Variants in VGLL4 observed in about 807,000 individuals in gnomAD.
VGLL4 encodes transcription cofactor vestigial-like protein 4.
A neutral mutation model predicts 21.0 loss-of-function variants in VGLL4; 7 were observed. That is an observed-to-expected ratio of 0.33 (90% CI 0.19 to 0.63). The LOEUF is 0.63. Among genes scored for constraint, VGLL4 ranks in the 20% least tolerant of loss-of-function variants. The probability of loss-of-function intolerance (pLI) is 0.78; values close to 1 mark genes in which losing one functional copy is unlikely to be tolerated. For synonymous variants in VGLL4, 222 were observed against 173.2 expected (o/e 1.28, Z -2.21); for missense variants, 394 against 425.7 (o/e 0.93, Z 0.66).
At chr3:11,661,255 A>C (rs1394938451) in intron 2 of VGLL4, among the ~76,000 whole-genome samples, 1 of 152,146 alleles carries the variant, frequency 6.6e-6, no homozygotes, top group Non-Finnish European at 1.5e-5. Context: ...TAACGCAGAA[A>C]GAACGATCCA....
chr3:11,702,641 A>T (rs532685261), intron 2 of VGLL4: 183 of 154,268 alleles, frequency 1.2e-3, no homozygotes, highest in Middle Eastern at 0.01. Flanking sequence ...ATAAATAAAT[A>T]AATTAAATTA....
intron 2 of VGLL4, among the ~76,000 whole-genome samples, chr3:11,666,975 T>C (rs1408474998): frequency 6.6e-6 from 1 of 152,222 alleles, no homozygotes; most frequent in African/African-American, 2.4e-5. Flanking sequence ...TCCACACACC[T>C]TGATGCAGAT....
intron 2 of VGLL4, among the ~76,000 whole-genome samples, chr3:11,660,304 T>A (rs1547457): frequency 0.67 from 102,084 of 152,100 alleles, 34,258 homozygotes; most frequent in African/African-American, 0.7. Flanking sequence ...TTTGAAAAAT[T>A]TGGATAATGA....
At chr3:11,699,164 A>C (rs1425236615) in intron 2 of VGLL4, among the ~76,000 whole-genome samples, 1 of 152,256 alleles carries the variant, frequency 6.6e-6, no homozygotes, top group Non-Finnish European at 1.5e-5. Context: ...AGTCAGGCTG[A>C]ATCAGCCCAA....
upstream of VGLL4, among the ~76,000 whole-genome samples, chr3:11,644,845 CAAAAA>C (rs11293808): frequency 1.4e-5 from 1 of 71,212 alleles, no homozygotes. Context: ...GACTTTGTCT[CAAAAA>C]AAAAAAAAAA....
intron 1 of VGLL4, among the ~76,000 whole-genome samples, chr3:11,602,639 G>A (rs752713639): frequency 5.3e-5 from 8 of 152,042 alleles, no homozygotes; most frequent in Admixed American, 4.6e-4. Flanking sequence ...ACAAAGCTTC[G>A]GCATATAACT....
intron 2 of VGLL4, among the ~76,000 whole-genome samples, chr3:11,573,303 GAA>G (rs1559869996): frequency 4.3e-5 from 1 of 23,312 alleles, no homozygotes; most frequent in Non-Finnish European, 6.7e-5. Flanking sequence ...AAGAAAGAAA[GAA>G]AGGAAGGAAG....
chr3:11,559,006 G>A (rs1390840159), intron 4 of VGLL4, among the ~76,000 whole-genome samples, 179 bp from the exon 5 acceptor site: 1 of 152,214 alleles, frequency 6.6e-6, no homozygotes, highest in African/African-American at 2.4e-5. Flanking sequence ...TCACTTTTCT[G>A]TAAAATGGTG....
chr3:11,624,526 A>C (rs924568603), intron 1 of VGLL4, among the ~76,000 whole-genome samples: 1 of 149,880 alleles, frequency 6.7e-6, no homozygotes, highest in Non-Finnish European at 1.5e-5. Flanking sequence ...TCTTTCTCTA[A>C]TTTTTTTTTT....
chr3:11,627,843 T>C (rs899198376), intron 1 of VGLL4, among the ~76,000 whole-genome samples: 1 of 152,124 alleles, frequency 6.6e-6, no homozygotes, highest in Non-Finnish European at 1.5e-5. Flanking sequence ...ATATCACACA[T>C]TGAAAGAGGA....
chr3:11,640,312 G>A (rs573460373), intron 1 of VGLL4, among the ~76,000 whole-genome samples: 1 of 152,204 alleles, frequency 6.6e-6, no homozygotes, highest in East Asian at 1.9e-4. Context: ...AGTCTAGTAA[G>A]GTATTCTCAG....
intron 2 of VGLL4, among the ~76,000 whole-genome samples, chr3:11,672,697 C>G (rs149402819): frequency 6.6e-6 from 1 of 152,152 alleles, no homozygotes; most frequent in African/African-American, 2.4e-5. Context: ...CACGGAGAAC[C>G]GGTAACTTGC....
At chr3:11,669,381 C>G (rs998817948) in intron 2 of VGLL4, among the ~76,000 whole-genome samples, 1 of 151,976 alleles carries the variant, frequency 6.6e-6, no homozygotes, top group South Asian at 2.1e-4. Flanking sequence ...GACCCCGCCT[C>G]TAAAAAAAGA....
intron 3 of VGLL4, among the ~76,000 whole-genome samples, chr3:11,562,192 C>G (rs1184388310): frequency 6.6e-6 from 1 of 152,212 alleles, no homozygotes; most frequent in Non-Finnish European, 1.5e-5. Context: ...CCACTGTGCC[C>G]AGCCCTCAAT....
At chr3:11,701,396 C>T (rs1055433985) in intron 2 of VGLL4, among the ~76,000 whole-genome samples, 2 of 152,164 alleles carry the variant, frequency 1.3e-5, no homozygotes, top group Non-Finnish European at 2.9e-5. Flanking sequence ...CCTACAGCAC[C>T]GTGAGCCAAT....
intron 3 of VGLL4, among the ~76,000 whole-genome samples, chr3:11,561,254 T>G (rs1338801495): frequency 6.6e-6 from 1 of 152,054 alleles, no homozygotes; most frequent in Non-Finnish European, 1.5e-5. Flanking sequence ...GGAGGGGGAA[T>G]CAAGGAAGAT....
intron 2 of VGLL4, among the ~76,000 whole-genome samples, chr3:11,592,071 G>C (rs1457209459): frequency 6.6e-6 from 1 of 152,220 alleles, no homozygotes; most frequent in African/African-American, 2.4e-5. Flanking sequence ...ACCCTACCAA[G>C]TTTAGACTAT....
intron 1 of VGLL4, among the ~76,000 whole-genome samples, chr3:11,635,351 G>GT (rs1355378097): frequency 6.6e-6 from 1 of 152,106 alleles, no homozygotes; most frequent in East Asian, 1.9e-4. Flanking sequence ...GAAGAGGAGG[G>GT]TATCAGAACA....
chr3:11,598,967 A>G (rs1051529515), intron 2 of VGLL4, among the ~76,000 whole-genome samples: 4 of 152,240 alleles, frequency 2.6e-5, no homozygotes, highest in African/African-American at 7.2e-5. Flanking sequence ...AATAATTATG[A>G]ATCTGTCATT....
Sources: gnomAD v4.1 joint callset for allele counts (sites outside exome capture counted in the v4.1 genomes callset) on GRCh38, gnomAD v4.1.1 for gene constraint, MANE v1.5 for transcripts, NCBI Gene and HGNC (gene_info 2026-07-23, HGNC 2026-07-21) for gene names.